The following DNAH11 variants were observed in gnomAD, a reference collection of about 807,000 sequenced individuals.
DNAH11 encodes the protein dynein axonemal heavy chain 11.
DNAH11 carries 442 observed loss-of-function variants against 526.0 expected under a neutral mutation model. The observed-to-expected ratio is 0.84, with a 90% CI of 0.78 to 0.91. The LOEUF (loss-of-function observed/expected upper bound fraction) is 0.91, where lower values mean the gene tolerates loss of function less well. DNAH11 is among the 40% of genes least tolerant of loss of function. DNAH11 has a pLI of 0.00. For synonymous variants in DNAH11, 2,461 were observed against 1,935.9 expected, an observed-to-expected ratio of 1.27 and a Z score of -7.12; for missense variants, 6,989 against 5,448.7, an observed-to-expected ratio of 1.28 and a Z score of -8.90.
chr7:21,564,300 A>T lies in DNAH11; in HGVS notation c.1097A>T (p.His366Leu), dbSNP rs1220335751. Residue 366 changes from histidine to leucine, a missense_variant, in exon 6 of 82, where the codon CAT becomes CTT. By Grantham distance (99) the His-to-Leu change is moderately conservative. Coordinates refer to ENST00000409508, the MANE Select transcript of DNAH11 (RefSeq NM_001277115.2). ...QTRILIAPLF[H>L]TICLIWSHSK... The stretch of plus-strand genomic sequence containing the variant: ...CGCATATTAATCGCTCCATTATTTC[A>T]TACCATCTGTCTGATCTGGAGTCAT... The T allele has an allele frequency of 2.5e-6, 4 of 1,613,662 alleles. No individual in the cohort carries two copies. The Admixed American group carries it at 6.7e-5, about 27-fold the overall frequency.
At chr7:21,589,893 C>T (rs1304822568) in intron 12 of DNAH11, among the ~76,000 whole-genome samples, 2 of 152,096 alleles carry the variant, frequency 1.3e-5, no homozygotes, top group Non-Finnish European at 2.9e-5. Context: ...TTGATGAGCA[C>T]TGGTAGATTT....
At chr7:21,618,697 T>A (rs552577414) in intron 23 of DNAH11, among the ~76,000 whole-genome samples, 1 of 152,200 alleles carries the variant, frequency 6.6e-6, no homozygotes, top group African/African-American at 2.4e-5. Context: ...CTGGGAATTA[T>A]GTTCAGTGAA....
intron 65 of DNAH11, among the ~76,000 whole-genome samples, chr7:21,838,180 T>A (rs542668707): frequency 7.0e-4 from 107 of 152,312 alleles, no homozygotes; most frequent in African/African-American, 2.5e-3. Context: ...TTGAATAGAT[T>A]GTCCATCAAA....
intron 6 of DNAH11, among the ~76,000 whole-genome samples, chr7:21,565,207 T>A (rs2128433860): frequency 6.6e-6 from 1 of 152,304 alleles, no homozygotes; most frequent in Non-Finnish European, 1.5e-5. Context: ...GGGGCCCTCT[T>A]CCTGGCTTGC....
intron 44 of DNAH11, among the ~76,000 whole-genome samples, chr7:21,723,120 A>G (rs993094924): frequency 7.0e-4 from 107 of 152,224 alleles, no homozygotes; most frequent in African/African-American, 2.4e-3. Context: ...GAGGTTGGCA[A>G]TATGCATGAA....
At chr7:21,615,379 T>C (rs1745677749) in intron 21 of DNAH11, 107 bp downstream of exon 21, 7 of 1,294,158 alleles carry the variant, frequency 5.4e-6, no homozygotes, top group African/African-American at 3.0e-5. Flanking sequence ...TCTTGAAATA[T>C]GTGGAAATTA....
intron 45 of DNAH11, among the ~76,000 whole-genome samples, chr7:21,731,996 G>GA (rs1399724440): frequency 1.3e-5 from 2 of 152,126 alleles, no homozygotes; most frequent in Non-Finnish European, 2.9e-5. Context: ...ATAGGTATAG[G>GA]AAAAAACAGT....
chr7:21,702,161 G>T (rs1188122421), intron 36 of DNAH11, among the ~76,000 whole-genome samples: 14 of 152,140 alleles, frequency 9.2e-5, no homozygotes, highest in African/African-American at 3.4e-4. Context: ...TGTGGGAGGA[G>T]TCTTCATTAG....
intron 28 of DNAH11, among the ~76,000 whole-genome samples, chr7:21,639,299 CA>C (rs1787015464): frequency 6.6e-6 from 1 of 152,170 alleles, no homozygotes; most frequent in African/African-American, 2.4e-5. Context: ...GTAAGGCTTA[CA>C]GTGCTGAAAG....
At chr7:21,838,110 G>A (rs1450029646) in intron 65 of DNAH11, among the ~76,000 whole-genome samples, 3 of 152,156 alleles carry the variant, frequency 2.0e-5, no homozygotes, top group Non-Finnish European at 4.4e-5. Flanking sequence ...GGAAATCCTT[G>A]GAAAGAGGAA....
At chr7:21,725,365 A>T (rs953091049) in intron 44 of DNAH11, among the ~76,000 whole-genome samples, 5 of 152,234 alleles carry the variant, frequency 3.3e-5, no homozygotes, top group African/African-American at 9.6e-5. Context: ...AAGAGCATTT[A>T]TGAAAATAAC....
chr7:21,664,113 A>G (rs1012888551), intron 30 of DNAH11, among the ~76,000 whole-genome samples: 1 of 143,310 alleles, frequency 7.0e-6, no homozygotes, highest in African/African-American at 2.6e-5. Flanking sequence ...AATTTCAGTT[A>G]TTATATCTCA....
intron 45 of DNAH11, among the ~76,000 whole-genome samples, chr7:21,728,494 A>C (rs1336608879): frequency 6.6e-6 from 1 of 151,946 alleles, no homozygotes; most frequent in East Asian, 1.9e-4. Context: ...CCTGACCTCA[A>C]GTGATGCACC....
chr7:21,550,606 A>G (rs1044498550), intron 2 of DNAH11, among the ~76,000 whole-genome samples: 4 of 152,146 alleles, frequency 2.6e-5, no homozygotes, highest in Non-Finnish European at 5.9e-5. Context: ...AGTTTGATTC[A>G]TTCTTTCTAC....
At position 21,640,852 on chromosome 7, in the gene DNAH11, C is replaced by T. The variant is rs115824594; in HGVS notation, c.4944+1787C>T. 3.7e-3 allele frequency among the ~76,000 whole-genome samples: 556 copies of T among 152,232 alleles called. 4 individuals carry two copies. Among genetic ancestry groups the T allele is most frequent in the African/African-American group, 0.013 (532 of 41,546 alleles). On this transcript the variant is annotated intron_variant, in intron 28 of 81. Coordinates refer to ENST00000409508, the MANE Select transcript of DNAH11 (RefSeq NM_001277115.2). The stretch of plus-strand genomic sequence containing the variant: ...GGGAGGGAGACTTCAGCTTTTTCAT[C>T]CCCCGTCTCTGTCCATTTATCATGA...
chr7:21,586,389 G>T (rs764750692), intron 9 of DNAH11, among the ~76,000 whole-genome samples: 1 of 152,300 alleles, frequency 6.6e-6, no homozygotes, highest in South Asian at 2.1e-4. Context: ...TGGGAAGAAA[G>T]TTAATCATTT....
intron 41 of DNAH11, among the ~76,000 whole-genome samples, 173 bp downstream of exon 41, chr7:21,710,876 G>T (rs1235434628): frequency 1.3e-5 from 2 of 152,110 alleles, no homozygotes; most frequent in East Asian, 3.8e-4. Context: ...CACCATTAAA[G>T]AATTTCAAGG....
At position 21,894,707 on chromosome 7, in the gene DNAH11, A is replaced by G. The variant is rs776379830; in HGVS notation, c.12835A>G (p.Ser4279Gly). 66 of 1,613,964 alleles carry G rather than the reference A, an allele frequency of 4.1e-5. No individual in the cohort carries two copies. Among genetic ancestry groups the G allele is most frequent in the Non-Finnish European group, 5.6e-5 (66 of 1,179,884 alleles). Residue 4279 changes from serine to glycine, a missense_variant, in exon 78 of 82, where the codon AGC (serine) becomes GGC (glycine). Transcript: ENST00000409508. ...AEIMQKNSNR[S>G]PYVLVCFQEC... ...GATAATGCAAAAAAATTCAAATAGA[A>G]GCCCATATGTTCTTGTTTGCTTCCA...
At chr7:21,629,943 C>T (rs1324322780) in intron 25 of DNAH11, among the ~76,000 whole-genome samples, 1 of 152,068 alleles carries the variant, frequency 6.6e-6, no homozygotes, top group Non-Finnish European at 1.5e-5. Context: ...GGACTTATTA[C>T]TGCCATTTTG....
Sources: gnomAD v4.1 joint callset for allele counts (sites outside exome capture counted in the v4.1 genomes callset) on GRCh38, gnomAD v4.1.1 for gene constraint, MANE v1.5 for transcripts, NCBI Gene and HGNC (gene_info 2026-07-23, HGNC 2026-07-21) for gene names.